PTPN1: variants seen among roughly 807,000 people sequenced by gnomAD.
PTPN1 encodes tyrosine-protein phosphatase non-receptor type 1.
In PTPN1, 12 loss-of-function variants were observed where a neutral mutation model predicts 59.9. That is an observed-to-expected ratio of 0.20 (90% CI 0.13 to 0.32). The LOEUF (loss-of-function observed/expected upper bound fraction) is 0.32. Among genes scored for constraint, PTPN1 ranks in the 10% least tolerant of loss-of-function variants. The pLI is 1.00. For missense variants in PTPN1, 356 were observed against 549.2 expected (o/e 0.65, Z 3.52); for synonymous variants, 178 against 203.6 (o/e 0.87, Z 1.07).
Position 50,558,983 on chromosome 20 carries a change from A to G in PTPN1, c.64-2380A>G, listed in dbSNP as rs562363198. Among the ~76,000 whole-genome samples the G allele has an allele frequency of 4.0e-5, 6 of 151,108 alleles. No homozygotes were observed. In the South Asian group the frequency reaches 1.0e-3, roughly 26 times the overall value. On this transcript the variant is annotated intron_variant, in intron 1 of 9. Transcript: ENST00000371621. ...GATGCTCCAGTGGATTACTGGGAAA[A>G]GGGGGAGCATGGATGATAAAGGTAT...
At chr20:50,531,275 A>G (rs916357494) in intron 1 of PTPN1, among the ~76,000 whole-genome samples, 3 of 152,188 alleles carry the variant, frequency 2.0e-5, no homozygotes, top group African/African-American at 7.2e-5. Flanking sequence ...GTGTTTTTAA[A>G]CATAAAAATG....
intron 3 of PTPN1, among the ~76,000 whole-genome samples, chr20:50,566,876 G>A (rs1368594013): frequency 6.6e-6 from 1 of 152,194 alleles, no homozygotes; most frequent in Non-Finnish European, 1.5e-5. Context: ...CTTCATGCCA[G>A]GGTGGAGAAT....
chr20:50,527,649 G>A (rs746398682), intron 1 of PTPN1, among the ~76,000 whole-genome samples: 4 of 152,144 alleles, frequency 2.6e-5, no homozygotes, highest in Non-Finnish European at 5.9e-5. Context: ...GTGAGCCACC[G>A]CACCTGGCCT....
chr20:50,510,835 A>C (rs1425024843), intron 1 of PTPN1, among the ~76,000 whole-genome samples: 1 of 150,378 alleles, frequency 6.6e-6, no homozygotes, highest in African/African-American at 2.5e-5. Flanking sequence ...AGCTCGGGTG[A>C]TCTCTCAAGC....
In PTPN1 at chr20:50,544,852, A is replaced by G. The variant is rs535496453; in HGVS notation, c.64-16511A>G. 1.8e-4 allele frequency among the ~76,000 whole-genome samples: 28 copies of G among 152,242 alleles called. No homozygotes were observed. The South Asian group carries it at 5.8e-3, about 32-fold the overall frequency. ...AAACCCCGTCTCTACTAAAACTAGAAATAATTAGCTGGGTGTGGTGGCACA... is the reference window on the plus strand; with the variant it reads ...AAACCCCGTCTCTACTAAAACTAGAGATAATTAGCTGGGTGTGGTGGCACA... On this transcript the variant is annotated intron_variant, in intron 1 of 9. Coordinates refer to ENST00000371621, the MANE Select transcript of PTPN1 (RefSeq NM_002827.4).
chr20:50,563,187 T>C (rs2082761315), intron 2 of PTPN1: 1 of 149,892 alleles, frequency 6.7e-6, no homozygotes, highest in African/African-American at 2.4e-5. Context: ...CTTATCTTCC[T>C]CCCGTACTCC....
intron 1 of PTPN1, among the ~76,000 whole-genome samples, chr20:50,522,839 C>T (rs1438528090): frequency 7.2e-5 from 11 of 152,082 alleles, no homozygotes; most frequent in Admixed American, 2.0e-4. Context: ...CTGTAACATC[C>T]GCCTCCCGAG....
chr20:50,519,107 A>G (rs1293908757), intron 1 of PTPN1, among the ~76,000 whole-genome samples: 2 of 152,192 alleles, frequency 1.3e-5, no homozygotes, highest in Non-Finnish European at 2.9e-5. Context: ...ACAAATAACT[A>G]CCCAGGTCTG....
At chr20:50,560,938 C>T (rs1021272155) in intron 1 of PTPN1, among the ~76,000 whole-genome samples, 4 of 152,076 alleles carry the variant, frequency 2.6e-5, no homozygotes, top group African/African-American at 7.2e-5. Context: ...TTTTAATAAT[C>T]GTAGCTTTAT....
intron 1 of PTPN1, among the ~76,000 whole-genome samples, chr20:50,512,142 C>T (rs1419851016): frequency 6.6e-6 from 1 of 152,028 alleles, no homozygotes; most frequent in Non-Finnish European, 1.5e-5. Flanking sequence ...ATTTGTATGC[C>T]ATATCTGGTC....
intron 2 of PTPN1, chr20:50,563,199 ATCC>A (rs1370957949): frequency 6.6e-6 from 1 of 150,960 alleles, no homozygotes; most frequent in Non-Finnish European, 1.5e-5. Flanking sequence ...CCGTACTCCT[ATCC>A]TCCTCCCGTA....
At chr20:50,548,226 G>T (rs1024626654) in intron 1 of PTPN1, among the ~76,000 whole-genome samples, 2 of 151,872 alleles carry the variant, frequency 1.3e-5, no homozygotes, top group African/African-American at 4.8e-5. Context: ...CTTTGACTGG[G>T]CTTAGTCTAG....
intron 1 of PTPN1, among the ~76,000 whole-genome samples, chr20:50,537,792 G>A (rs886257895): frequency 4.6e-5 from 7 of 152,164 alleles, no homozygotes; most frequent in African/African-American, 7.2e-5. Context: ...GGTGCTGAAA[G>A]GTATGCTGGA....
chr20:50,577,631 A>G (rs908404639), intron 5 of PTPN1: 19 of 152,406 alleles, frequency 1.2e-4, no homozygotes, highest in African/African-American at 4.6e-4. Context: ...ACGCCAGGCC[A>G]TTGCTTCTGT....
chr20:50,523,521 T>G, intron 1 of PTPN1, among the ~76,000 whole-genome samples: 1 of 152,234 alleles, frequency 6.6e-6, no homozygotes, highest in East Asian at 1.9e-4. Flanking sequence ...TCATTTGCTT[T>G]TCTCGTCTAG....
intron 4 of PTPN1, chr20:50,572,317 A>G (rs2082814151): frequency 6.6e-6 from 1 of 152,224 alleles, no homozygotes; most frequent in African/African-American, 2.4e-5. Flanking sequence ...TGGAAATGTG[A>G]TCTTGTGCCT....
intron 1 of PTPN1, among the ~76,000 whole-genome samples, chr20:50,553,590 T>C (rs1320798966): frequency 2.0e-5 from 3 of 152,124 alleles, no homozygotes; most frequent in African/African-American, 2.4e-5. Flanking sequence ...GGATATTTGG[T>C]AGAAACATTC....
intron 1 of PTPN1, among the ~76,000 whole-genome samples, chr20:50,514,055 T>G (rs190931011): frequency 6.6e-6 from 1 of 152,350 alleles, no homozygotes; most frequent in Non-Finnish European, 1.5e-5. Context: ...CCTTTGTAAT[T>G]GTCTGGACTG....
At chr20:50,546,748 CAT>C (rs1320806254) in intron 1 of PTPN1, among the ~76,000 whole-genome samples, 1 of 152,198 alleles carries the variant, frequency 6.6e-6, no homozygotes, top group Admixed American at 6.5e-5. Context: ...GTAGGAGTAT[CAT>C]GTGGATTCCT....
Sources: gnomAD v4.1 joint callset for allele counts (sites outside exome capture counted in the v4.1 genomes callset) on GRCh38, gnomAD v4.1.1 for gene constraint, MANE v1.5 for transcripts, NCBI Gene and HGNC (gene_info 2026-07-23, HGNC 2026-07-21) for gene names.